The following TMOD2 variants were observed in gnomAD, a reference collection of about 807,000 sequenced individuals.
The protein encoded by TMOD2 is tropomodulin-2.
A neutral mutation model predicts 39.9 loss-of-function variants in TMOD2; 22 were observed. That is an observed-to-expected ratio of 0.55 (90% confidence interval 0.39 to 0.79). The LOEUF (loss-of-function observed/expected upper bound fraction) is 0.79. Among genes scored for constraint, TMOD2 ranks in the 30% least tolerant of loss-of-function variants. TMOD2 has a pLI of 0.00. For synonymous variants in TMOD2, 123 were observed against 146.1 expected, an observed-to-expected ratio of 0.84 and a Z score of 1.14; for missense variants, 386 against 413.3, an observed-to-expected ratio of 0.93 and a Z score of 0.57.
chr15:51,759,967 T>C (rs941759707), intron 1 of TMOD2, among the ~76,000 whole-genome samples: 1 of 152,172 alleles, frequency 6.6e-6, no homozygotes, highest in Non-Finnish European at 1.5e-5. Context: ...CCCCCTCCCC[T>C]GCTCTCCAGT....
intron 3 of TMOD2, among the ~76,000 whole-genome samples, 189 bp from the exon 4 acceptor site, chr15:51,773,523 A>G (rs912536347): frequency 1.3e-5 from 2 of 152,290 alleles, no homozygotes; most frequent in East Asian, 1.9e-4. Context: ...TTCCTCCTCC[A>G]GTGTTCCTTC....
In TMOD2 at chr15:51,777,065, A is replaced by G. The variant is rs543266012; in HGVS notation, c.493+47A>G. 9.7e-6 allele frequency: 15 copies of G among 1,548,416 alleles called. No individual in the cohort carries two copies. In the African/African-American group the frequency reaches 2.0e-4, roughly 21 times the overall value. On this transcript the variant is annotated intron_variant, in intron 5 of 9. Transcript: ENST00000249700. ...GGTTTTGTAAAGCTTTGGAGCCTCCAGAGTTGCTGGTAGGAGAGAGGCCTG... is the reference window on the plus strand; with the variant it reads ...GGTTTTGTAAAGCTTTGGAGCCTCCGGAGTTGCTGGTAGGAGAGAGGCCTG...
chr15:51,774,397 G>A (rs763659077), intron 4 of TMOD2, among the ~76,000 whole-genome samples: 16 of 152,170 alleles, frequency 1.1e-4, no homozygotes, highest in Non-Finnish European at 2.2e-4. Flanking sequence ...GTCTTGTACA[G>A]CCTTCAAGAA....
In TMOD2 at chr15:51,814,244, C is replaced by G. The variant is rs1226187988; in HGVS notation, c.*5790C>G. ...TAAGACTTCAGGTTTGACTGGAGGC[C>G]TAGGAGAGAAGAGTGTCCTTAGGGT... On this transcript the variant is annotated 3_prime_UTR_variant, in exon 10 of 10. Coordinates refer to ENST00000249700, the MANE Select transcript of TMOD2 (RefSeq NM_014548.4). The G allele has an allele frequency of 6.6e-6, 1 of 152,212 alleles. No individual in the cohort carries two copies. Among genetic ancestry groups the G allele is most frequent in the Non-Finnish European group, 1.5e-5 (1 of 68,118 alleles). The allele number at this position is 152,212 out of a possible 1,614,324, so 9.4% of individuals were successfully genotyped here. A position where few individuals can be genotyped will look rare whatever the true frequency, so the allele number is the denominator to read the frequency against.
chr15:51,776,567 A>C (rs1183827888), intron 4 of TMOD2, among the ~76,000 whole-genome samples: 1 of 152,184 alleles, frequency 6.6e-6, no homozygotes, highest in African/African-American at 2.4e-5. Flanking sequence ...GTTAGATCTT[A>C]AAAACCCTTA....
chr15:51,804,617 G>T, intron 8 of TMOD2, among the ~76,000 whole-genome samples: 1 of 151,652 alleles, frequency 6.6e-6, no homozygotes. Flanking sequence ...CTGTCACCCA[G>T]GCTGGAGTGC....
At chr15:51,787,104 G>A (rs2055975785) in intron 7 of TMOD2, among the ~76,000 whole-genome samples, 1 of 152,118 alleles carries the variant, frequency 6.6e-6, no homozygotes, top group South Asian at 2.1e-4. Context: ...TGTATCTGGA[G>A]GAGCAGTAAA....
intron 7 of TMOD2, among the ~76,000 whole-genome samples, chr15:51,793,889 T>C (rs2141635888): frequency 6.6e-6 from 1 of 152,366 alleles, no homozygotes; most frequent in Non-Finnish European, 1.5e-5. Flanking sequence ...TGCATCCCTC[T>C]CTGATGATCA....
intron 7 of TMOD2, among the ~76,000 whole-genome samples, chr15:51,797,809 T>C (rs1817645945): frequency 6.6e-6 from 1 of 151,254 alleles, no homozygotes; most frequent in African/African-American, 2.4e-5. Flanking sequence ...TAATTCATAG[T>C]AAAGGAAAAA....
intron 8 of TMOD2, among the ~76,000 whole-genome samples, chr15:51,801,231 T>TCACACACA (rs1182352451): frequency 4.5e-4 from 44 of 97,398 alleles, no homozygotes; most frequent in African/African-American, 2.1e-3. Context: ...TCTCTCTCTC[T>TCACACACA]CTCTCTCACA....
intron 1 of TMOD2, among the ~76,000 whole-genome samples, chr15:51,763,203 C>T (rs148957038): frequency 0.013 from 2,049 of 152,282 alleles, 44 homozygotes; most frequent in African/African-American, 0.048. Flanking sequence ...CCTCCCAAAA[C>T]ATTGGGACTA....
At chr15:51,761,867 G>A (rs1458013818) in intron 1 of TMOD2, among the ~76,000 whole-genome samples, 1 of 152,022 alleles carries the variant, frequency 6.6e-6, no homozygotes. Flanking sequence ...CAAATTTTTG[G>A]CCGGGCACGG....
Position 51,808,504 on chromosome 15 carries a change from C to T in TMOD2, c.*50C>T, listed in dbSNP as rs760290202. The stretch of plus-strand genomic sequence containing the variant: ...TCACTGTGGTATGGCCATTGAAAAA[C>T]AAAAACTCTTCTTCTTCCCCATCAG... On this transcript the variant is annotated 3_prime_UTR_variant, in exon 10 of 10. Transcript: ENST00000249700. The T allele has an allele frequency of 1.3e-6, 2 of 1,516,358 alleles. No homozygotes were observed. The highest frequency in any genetic ancestry group is 1.8e-5 in the Admixed American group (1 of 54,158). 93.9% of individuals were successfully genotyped at this position (1,516,358 alleles called of 1,614,324 possible). A position where few individuals can be genotyped will look rare whatever the true frequency, so the allele number is the denominator to read the frequency against.
intron 7 of TMOD2, among the ~76,000 whole-genome samples, chr15:51,797,964 T>C (rs1245460475): frequency 6.6e-6 from 1 of 151,980 alleles, no homozygotes; most frequent in Non-Finnish European, 1.5e-5. Flanking sequence ...GTATCTTTTT[T>C]AAAAATAGTT....
At chr15:51,801,895 C>T (rs2056092809) in intron 8 of TMOD2, among the ~76,000 whole-genome samples, 1 of 151,500 alleles carries the variant, frequency 6.6e-6, no homozygotes, top group Non-Finnish European at 1.5e-5. Context: ...AGTTCGAGTC[C>T]AGCCTGGGCA....
At chr15:51,807,078 T>TCCTGATCAA (rs1337334624) in intron 9 of TMOD2, among the ~76,000 whole-genome samples, 1 of 152,224 alleles carries the variant, frequency 6.6e-6, no homozygotes, top group Non-Finnish European at 1.5e-5. Flanking sequence ...GTGGGGCATG[T>TCCTGATCAA]CCTGATCAAC....
At chr15:51,753,452 G>A (rs536165119) in intron 1 of TMOD2, among the ~76,000 whole-genome samples, 7 of 152,100 alleles carry the variant, frequency 4.6e-5, no homozygotes, top group East Asian at 1.9e-4. Context: ...AAGACTTGGC[G>A]ATGGGGCAGA....
At chr15:51,800,654 T>A (rs943454627) in intron 8 of TMOD2, among the ~76,000 whole-genome samples, 4 of 152,256 alleles carry the variant, frequency 2.6e-5, no homozygotes, top group Non-Finnish European at 5.9e-5. Flanking sequence ...TCAACTTTAG[T>A]ATTTCATTTT....
intron 7 of TMOD2, chr15:51,783,160 T>C: frequency 4.1e-6 from 1 of 241,718 alleles, no homozygotes; most frequent in Non-Finnish European, 8.1e-6. Context: ...ATCATGACCC[T>C]AAAGCCCTTC....
Sources: gnomAD v4.1 joint callset for allele counts (sites outside exome capture counted in the v4.1 genomes callset) on GRCh38, gnomAD v4.1.1 for gene constraint, MANE v1.5 for transcripts, NCBI Gene and HGNC (gene_info 2026-07-23, HGNC 2026-07-21) for gene names.